IL1RAPL2: variants seen among roughly 807,000 people sequenced by gnomAD.
IL1RAPL2 encodes interleukin 1 receptor accessory protein like 2.
IL1RAPL2 carries 3 observed loss-of-function variants against 44.1 expected under a neutral mutation model. That is an observed-to-expected ratio of 0.07 (90% CI 0.03 to 0.18). The LOEUF (loss-of-function observed/expected upper bound fraction) is 0.18. Among genes scored for constraint, IL1RAPL2 ranks in the 10% least tolerant of loss-of-function variants. The probability of loss-of-function intolerance (pLI) is 1.00; values close to 1 mark genes in which losing one functional copy is unlikely to be tolerated. For missense variants in IL1RAPL2, 391 were observed against 496.4 expected (o/e 0.79, Z 2.02); for synonymous variants, 181 against 178.8 (o/e 1.01, Z -0.10).
intron 6 of IL1RAPL2, among the ~76,000 whole-genome samples, chrX:105,638,505 G>A (rs771179655): frequency 4.5e-5 from 5 of 111,092 alleles, no homozygotes; most frequent in South Asian, 3.8e-4. Context: ...CCTGCAATGC[G>A]GAAAGTTTTT....
intron 5 of IL1RAPL2, among the ~76,000 whole-genome samples, chrX:105,388,356 A>ATTTT (rs772573698): frequency 0.018 from 1,086 of 61,250 alleles, 152 homozygotes; most frequent in African/African-American, 0.11. Context: ...ACCAAAGCAG[A>ATTTT]TTTTTTTTTT....
chrX:104,949,108 T>C (rs1925486107), intron 2 of IL1RAPL2, among the ~76,000 whole-genome samples: 1 of 111,223 alleles, frequency 9.0e-6, no homozygotes, highest in Non-Finnish European at 1.9e-5. Context: ...CTGTTATTGG[T>C]CTATTCAGAG....
At chrX:104,699,980 T>C (rs943140857) in intron 2 of IL1RAPL2, among the ~76,000 whole-genome samples, 2 of 111,441 alleles carry the variant, frequency 1.8e-5, no homozygotes, top group Non-Finnish European at 3.8e-5. Context: ...CAGAAGCCAT[T>C]GATGAGAACT....
At chrX:104,571,355 A>G (rs1446231749) in intron 1 of IL1RAPL2, among the ~76,000 whole-genome samples, 5 of 111,978 alleles carry the variant, frequency 4.5e-5, no homozygotes, top group African/African-American at 6.5e-5. Flanking sequence ...TGCCTGATGC[A>G]TTAAATAAGT....
intron 6 of IL1RAPL2, among the ~76,000 whole-genome samples, chrX:105,577,935 G>T (rs1305477056): frequency 6.4e-5 from 7 of 110,018 alleles, no homozygotes; most frequent in Non-Finnish European, 3.8e-5. Context: ...CAATGTGCAG[G>T]TTAGTTACAT....
At chrX:105,165,952 A>G (rs1424517162) in intron 2 of IL1RAPL2, among the ~76,000 whole-genome samples, 1 of 111,762 alleles carries the variant, frequency 8.9e-6, no homozygotes, top group Non-Finnish European at 1.9e-5. Context: ...TACCTCTGGT[A>G]TGCTTAATGG....
At chrX:105,443,669 G>A (rs907579395) in intron 5 of IL1RAPL2, among the ~76,000 whole-genome samples, 3 of 112,098 alleles carry the variant, frequency 2.7e-5, no homozygotes, top group Admixed American at 9.5e-5. Context: ...ATGTTTTTGC[G>A]AATGACAGTG....
intron 6 of IL1RAPL2, among the ~76,000 whole-genome samples, chrX:105,508,376 C>T (rs1247677861): frequency 9.0e-6 from 1 of 111,000 alleles, no homozygotes. Flanking sequence ...AACCAAAGCT[C>T]ATGGCCATAA....
At chrX:104,681,369 C>G (rs1311628640) in intron 2 of IL1RAPL2, among the ~76,000 whole-genome samples, 1 of 112,002 alleles carries the variant, frequency 8.9e-6, no homozygotes, top group Non-Finnish European at 1.9e-5. Flanking sequence ...CCCTGAGGGT[C>G]AATAGGTAAA....
intron 2 of IL1RAPL2, among the ~76,000 whole-genome samples, chrX:105,171,729 G>A (rs1050936482): frequency 9.1e-6 from 1 of 109,334 alleles, no homozygotes; most frequent in Non-Finnish European, 1.9e-5. Flanking sequence ...GAGGGTGGTG[G>A]GGGTGGGGGT....
chrX:104,656,776 G>A (rs1244247541), intron 1 of IL1RAPL2, among the ~76,000 whole-genome samples: 1 of 111,486 alleles, frequency 9.0e-6, no homozygotes. Context: ...ACAGTGGGGT[G>A]TTAAAGTCTC....
chrX:105,666,036 A>G (rs1352265538), intron 6 of IL1RAPL2, among the ~76,000 whole-genome samples: 4 of 108,990 alleles, frequency 3.7e-5, no homozygotes, highest in African/African-American at 6.7e-5. Flanking sequence ...TGCTGGGATT[A>G]CAGGCGTGAG....
intron 2 of IL1RAPL2, among the ~76,000 whole-genome samples, chrX:104,782,344 T>C (rs1230318031): frequency 1.8e-5 from 2 of 110,911 alleles, no homozygotes; most frequent in East Asian, 5.7e-4. Context: ...GACTATCTTC[T>C]GTAGAAAAGA....
chrX:104,879,162 A>G (rs1240047751), intron 2 of IL1RAPL2, among the ~76,000 whole-genome samples: 1 of 110,409 alleles, frequency 9.1e-6, no homozygotes, highest in Non-Finnish European at 1.9e-5. Flanking sequence ...TATTTAATGT[A>G]AATGACTAAA....
intron 5 of IL1RAPL2, among the ~76,000 whole-genome samples, chrX:105,399,612 G>A (rs2035591681): frequency 9.0e-6 from 1 of 111,226 alleles, no homozygotes; most frequent in African/African-American, 3.3e-5. Context: ...ATATATATTT[G>A]TTGGATGAAT....
rs956039444 is a variant in IL1RAPL2, at chrX:105,593,601, G to A, written c.772+109214G>A. Among the ~76,000 whole-genome samples, 46 of 109,830 alleles carry A rather than the reference G, an allele frequency of 4.2e-4. 1 individual carries two copies. Among genetic ancestry groups the A allele is most frequent in the Admixed American group, 4.2e-3 (43 of 10,299 alleles). ...TGTCCTTTGGATGGATTTTTTTTTC[G>A]CTTTTATATTCTTTGATACCATTGT... On this transcript the variant is annotated intron_variant, in intron 6 of 10. Coordinates refer to ENST00000372582, the MANE Select transcript of IL1RAPL2 (RefSeq NM_017416.2).
chrX:104,610,853 G>T (rs371570027), intron 1 of IL1RAPL2, among the ~76,000 whole-genome samples: 5 of 111,771 alleles, frequency 4.5e-5, no homozygotes, highest in Admixed American at 9.5e-5. Context: ...AAAGATGGAG[G>T]CATCACGCTA....
At chrX:105,219,580 G>A (rs781833475) in intron 3 of IL1RAPL2, 1 of 1,209,453 alleles carries the variant, frequency 8.3e-7, no homozygotes, top group Non-Finnish European at 1.1e-6. Flanking sequence ...CTCCACAGGG[G>A]CAGCCACAAC....
At chrX:104,731,170 T>C (rs753676181) in intron 2 of IL1RAPL2, among the ~76,000 whole-genome samples, 5,738 of 109,504 alleles carry the variant, frequency 0.052, 444 homozygotes, top group African/African-American at 0.18. Flanking sequence ...TTGTAGGTTG[T>C]CTGTTCACTC....
Sources: allele counts gnomAD v4.1 joint callset (sites outside exome capture counted in the v4.1 genomes callset), GRCh38; gene constraint gnomAD v4.1.1; transcripts MANE v1.5; gene names NCBI Gene and HGNC (gene_info 2026-07-23, HGNC 2026-07-21).